The following ZC3H7A variants were observed in gnomAD, a reference collection of about 807,000 sequenced individuals.
ZC3H7A encodes zinc finger CCCH-type containing 7A.
A neutral mutation model predicts 125.5 loss-of-function variants in ZC3H7A; 44 were observed. That is an observed-to-expected ratio of 0.35 (90% CI 0.28 to 0.45). The LOEUF (loss-of-function observed/expected upper bound fraction) is 0.45, where lower values mean the gene tolerates loss of function less well. Among genes scored for constraint, ZC3H7A ranks in the 20% least tolerant of loss-of-function variants. The probability of loss-of-function intolerance (pLI) is 1.00; values close to 1 mark genes in which losing one functional copy is unlikely to be tolerated. For missense variants in ZC3H7A, 977 were observed against 1,170.7 expected (o/e 0.83, Z 2.41); for synonymous variants, 399 against 391.2 (o/e 1.02, Z -0.23).
At chr16:11,763,080 G>A (rs1206220737) in intron 16 of ZC3H7A, 1 of 269,188 alleles carries the variant, frequency 3.7e-6, no homozygotes, top group East Asian at 7.4e-5. Context: ...ACATCTGGTT[G>A]ATGGAGAAGG....
Position 11,776,319 on chromosome 16 carries a change from C to T in ZC3H7A, c.585+1G>A. 6.3e-7 allele frequency: 1 copy of T among 1,599,396 alleles called. No individual in the cohort carries two copies. Among genetic ancestry groups the T allele is most frequent in the Non-Finnish European group, 8.5e-7 (1 of 1,176,366 alleles). Reference sequence around the variant, plus strand: ...AATTTTGACAGAAAAAATAACTTTACCTTGGTAGCCCCATCCCCAGGAACT... The same window carrying T: ...AATTTTGACAGAAAAAATAACTTTATCTTGGTAGCCCCATCCCCAGGAACT... On this transcript the variant is annotated splice_donor_variant, in intron 7 of 22. Transcript: ENST00000355758. LOFTEE classifies it high-confidence loss of function.
chr16:11,772,039 A>C (rs2052992478), intron 9 of ZC3H7A, among the ~76,000 whole-genome samples: 1 of 151,742 alleles, frequency 6.6e-6, no homozygotes, highest in Non-Finnish European at 1.5e-5. Context: ...CTAAAAATAC[A>C]CAAAAAATTA....
intron 9 of ZC3H7A, among the ~76,000 whole-genome samples, chr16:11,773,077 G>A (rs2053015258): frequency 6.6e-6 from 1 of 151,950 alleles, no homozygotes; most frequent in Non-Finnish European, 1.5e-5. Context: ...CAACTATGCT[G>A]TTGCAGTGCA....
At position 11,756,185 on chromosome 16, in the gene ZC3H7A, A is replaced by G; in HGVS notation, c.2562+52T>C. ...TCAAAAAAAAGAAAAGGGAAAAGAA[A>G]GGCTCCATCAATGGCTCGGCAAAGA... On this transcript the variant is annotated intron_variant, in intron 21 of 22. Coordinates refer to ENST00000355758, the MANE Select transcript of ZC3H7A (RefSeq NM_014153.4). The G allele has an allele frequency of 1.8e-5, 29 of 1,571,374 alleles. No homozygotes were observed. The South Asian group carries it at 3.3e-4, about 18-fold the overall frequency.
At chr16:11,754,252 T>A (rs1227921981) in intron 21 of ZC3H7A, among the ~76,000 whole-genome samples, 4 of 134,828 alleles carry the variant, frequency 3.0e-5, no homozygotes. Flanking sequence ...TAACTGTGCC[T>A]CTGTACTCCG....
intron 1 of ZC3H7A, among the ~76,000 whole-genome samples, chr16:11,795,631 T>C (rs2053424981): frequency 6.6e-6 from 1 of 151,918 alleles, no homozygotes; most frequent in African/African-American, 2.4e-5. Flanking sequence ...AGACGGGGTT[T>C]CTCCATGTTG....
In ZC3H7A at chr16:11,754,321, A is replaced by T. The variant is rs573245631; in HGVS notation, c.2563-1489T>A. Among the ~76,000 whole-genome samples the T allele has an allele frequency of 9.1e-3, 1,278 of 140,462 alleles. 9 individuals carry two copies. The highest frequency in any genetic ancestry group is 0.013 in the Non-Finnish European group (883 of 65,478). The allele number at this position is 140,462 out of a possible 152,430, so 92.1% of individuals were successfully genotyped here. On this transcript the variant is annotated intron_variant, in intron 21 of 22. Coordinates refer to ENST00000355758, the MANE Select transcript of ZC3H7A (RefSeq NM_014153.4). ...AAAAAAAAAAAAAGGAAGAAAAAAAAATATATATATATATATAATAAAATA... is the reference window on the plus strand; with the variant it reads ...AAAAAAAAAAAAAGGAAGAAAAAAATATATATATATATATATAATAAAATA...
intron 5 of ZC3H7A, 32 bp downstream of exon 5, chr16:11,776,719 C>A: frequency 6.4e-7 from 1 of 1,569,778 alleles, no homozygotes; most frequent in Non-Finnish European, 8.6e-7. Context: ...TAAATGGTTA[C>A]GATGTAAACA....
intron 1 of ZC3H7A, among the ~76,000 whole-genome samples, chr16:11,792,510 T>A (rs2053370433): frequency 6.6e-6 from 1 of 152,212 alleles, no homozygotes; most frequent in Non-Finnish European, 1.5e-5. Flanking sequence ...CTTTAGAAAC[T>A]AGCTCACATT....
Position 11,765,272 on chromosome 16 carries a change from CT to C in ZC3H7A, c.1720-120del. 1.3e-6 allele frequency: 1 copy of C among 748,728 alleles called. No homozygotes were observed. The highest frequency in any genetic ancestry group is 3.1e-5 in the East Asian group (1 of 31,962). The allele number at this position is 748,728 out of a possible 1,614,324, so 46.4% of individuals were successfully genotyped here. A position where few individuals can be genotyped will look rare whatever the true frequency, so the allele number is the denominator to read the frequency against. ...ATATTCAATATGAAGTTTTAATATT[CT>C]TTTTGGTAACAGTAATAGCCAACAT... On this transcript the variant is annotated intron_variant, in intron 14 of 22. Transcript: ENST00000355758. This position sits in a 1 kb window ranked among gnomAD's most constrained non-coding sequence, Gnocchi z 4.8.
intron 1 of ZC3H7A, among the ~76,000 whole-genome samples, chr16:11,795,483 G>A (rs979461304): frequency 6.6e-6 from 1 of 152,212 alleles, no homozygotes; most frequent in Non-Finnish European, 1.5e-5. Flanking sequence ...GTTGCCCAGG[G>A]AGGAGTGCAG....
At chr16:11,783,544 C>T (rs952932885) in intron 1 of ZC3H7A, among the ~76,000 whole-genome samples, 2 of 152,136 alleles carry the variant, frequency 1.3e-5, no homozygotes, top group Non-Finnish European at 2.9e-5. Context: ...TAGCCCCTCA[C>T]CCCAACCCCA....
At chr16:11,758,357 G>A in intron 20 of ZC3H7A, 74 bp downstream of exon 20, 1 of 1,079,788 alleles carries the variant, frequency 9.3e-7, no homozygotes, top group Admixed American at 1.9e-5. Flanking sequence ...TTCACAGGAA[G>A]CTGGCATATT....
intron 21 of ZC3H7A, among the ~76,000 whole-genome samples, chr16:11,754,500 CAG>C (rs1474458969): frequency 4.0e-5 from 6 of 151,740 alleles, no homozygotes; most frequent in Non-Finnish European, 8.8e-5. Context: ...ACTGAATCAA[CAG>C]AGAGACGGAG....
chr16:11,772,497 G>A (rs1357023113), intron 9 of ZC3H7A, among the ~76,000 whole-genome samples: 1 of 151,680 alleles, frequency 6.6e-6, no homozygotes, highest in Non-Finnish European at 1.5e-5. Flanking sequence ...TACAGATGAG[G>A]AAAATGATGC....
chr16:11,763,840 A>G (rs1450879498), intron 15 of ZC3H7A, among the ~76,000 whole-genome samples, 181 bp from the exon 16 acceptor site: 2 of 138,152 alleles, frequency 1.4e-5, no homozygotes, highest in Non-Finnish European at 3.1e-5. Context: ...GTCTCACTCT[A>G]TCGCCCAGGC....
intron 21 of ZC3H7A, 138 bp from the exon 22 acceptor site, chr16:11,752,970 A>G: frequency 9.9e-6 from 10 of 1,011,890 alleles, no homozygotes; most frequent in Non-Finnish European, 1.3e-5. Context: ...AAAGGACCAC[A>G]GCATGGGGAA....
chr16:11,762,099 T>G, intron 17 of ZC3H7A, 56 bp from the exon 18 acceptor site: 1 of 1,495,062 alleles, frequency 6.7e-7, no homozygotes, highest in South Asian at 1.3e-5. Context: ...AGTTTTCTGA[T>G]GACAAAATAC....
chr16:11,788,952 T>G (rs897408076), intron 1 of ZC3H7A, among the ~76,000 whole-genome samples: 7 of 152,098 alleles, frequency 4.6e-5, no homozygotes, highest in Middle Eastern at 3.2e-3. Flanking sequence ...ATCTTGATTG[T>G]GGGAGTGGTT....
Sources: gnomAD v4.1 joint callset for allele counts (sites outside exome capture counted in the v4.1 genomes callset) on GRCh38, gnomAD v4.1.1 for gene constraint, Gnocchi (gnomAD v3.1) non-coding constraint, MANE v1.5 for transcripts, NCBI Gene and HGNC (gene_info 2026-07-23, HGNC 2026-07-21) for gene names.